Variants in DOCK4 observed in about 807,000 individuals in gnomAD.
DOCK4 encodes the protein dedicator of cytokinesis 4, also known as dedicator of cytokinesis protein 4.
Under a neutral mutation model 268.1 loss-of-function variants are expected in DOCK4, and 97 were observed. That is an observed-to-expected ratio of 0.36 (90% CI 0.31 to 0.43). The LOEUF (loss-of-function observed/expected upper bound fraction) is 0.43, where lower values mean the gene tolerates loss of function less well. Among genes scored for constraint, DOCK4 ranks in the 20% least tolerant of loss-of-function variants. The pLI is 1.00. For missense variants in DOCK4, 2,145 were observed against 2,455.7 expected (o/e 0.87, Z 2.67); for synonymous variants, 954 against 887.2 (o/e 1.08, Z -1.34).
chr7:112,138,193 T>C (rs1814544961), intron 1 of DOCK4, among the ~76,000 whole-genome samples: 1 of 152,262 alleles, frequency 6.6e-6, no homozygotes, highest in African/African-American at 2.4e-5. Flanking sequence ...ATGATTTTAC[T>C]ATCTTTTCAG....
intron 1 of DOCK4, among the ~76,000 whole-genome samples, chr7:112,119,606 C>A (rs1166303009): frequency 6.6e-6 from 1 of 152,152 alleles, no homozygotes; most frequent in African/African-American, 2.4e-5. Context: ...ACAGCCCTTT[C>A]ATAAGGAAAC....
chr7:111,936,569 G>C (rs1043992244), intron 11 of DOCK4, among the ~76,000 whole-genome samples: 2 of 152,068 alleles, frequency 1.3e-5, no homozygotes, highest in Non-Finnish European at 2.9e-5. Flanking sequence ...AACTCATAAT[G>C]ATTTGTAAGC....
At chr7:111,836,024 A>C (rs576522474) in intron 25 of DOCK4, among the ~76,000 whole-genome samples, 294 of 152,322 alleles carry the variant, frequency 1.9e-3, no homozygotes, top group Admixed American at 4.1e-3. Context: ...ATACTTTGTT[A>C]ATGAACATGG....
At chr7:111,889,126 G>A (rs1375031840) in intron 16 of DOCK4, among the ~76,000 whole-genome samples, 2 of 152,132 alleles carry the variant, frequency 1.3e-5, no homozygotes, top group Non-Finnish European at 2.9e-5. Context: ...AGATAGCTTA[G>A]TGTTTTCCCC....
chr7:111,804,195 C>A (rs1402402455), intron 30 of DOCK4, among the ~76,000 whole-genome samples: 1 of 152,138 alleles, frequency 6.6e-6, no homozygotes, highest in African/African-American at 2.4e-5. Context: ...ACCCAAATGT[C>A]CACTGAGGAA....
At chr7:112,149,397 G>A (rs1047135088) in intron 1 of DOCK4, among the ~76,000 whole-genome samples, 2 of 152,002 alleles carry the variant, frequency 1.3e-5, no homozygotes, top group African/African-American at 4.8e-5. Flanking sequence ...CTGAGCACAC[G>A]TGATAATTTT....
chr7:112,120,988 G>A (rs1417825345), intron 1 of DOCK4, among the ~76,000 whole-genome samples: 1 of 152,148 alleles, frequency 6.6e-6, no homozygotes, highest in East Asian at 1.9e-4. Flanking sequence ...TTCAGCCTAC[G>A]AGACTGGCAT....
intron 1 of DOCK4, among the ~76,000 whole-genome samples, chr7:112,087,205 A>G (rs370030800): frequency 6.6e-6 from 1 of 152,066 alleles, no homozygotes; most frequent in African/African-American, 2.4e-5. Context: ...AATTAATTCA[A>G]TCAGGACAGA....
intron 1 of DOCK4, among the ~76,000 whole-genome samples, chr7:112,012,929 C>T (rs749044121): frequency 9.2e-5 from 14 of 151,978 alleles, no homozygotes; most frequent in Non-Finnish European, 1.5e-4. Context: ...ATATCACTGC[C>T]ACCTCCACCT....
chr7:111,753,230 T>A (rs112645399), intron 42 of DOCK4, among the ~76,000 whole-genome samples: 1,912 of 152,254 alleles, frequency 0.013, 39 homozygotes, highest in African/African-American at 0.043. Flanking sequence ...ATCCCAGCAC[T>A]TTGGGAGACA....
chr7:111,892,213 G>T (rs1008414119), intron 16 of DOCK4, among the ~76,000 whole-genome samples: 2 of 152,042 alleles, frequency 1.3e-5, no homozygotes, highest in Admixed American at 1.3e-4. Flanking sequence ...TTGATTGATT[G>T]ATTTGAGACT....
At chr7:111,834,082 C>T (rs377150222) in intron 26 of DOCK4, among the ~76,000 whole-genome samples, 12 of 152,268 alleles carry the variant, frequency 7.9e-5, no homozygotes, top group African/African-American at 2.4e-4. Context: ...ATCCTTATTT[C>T]CTATTTAATG....
intron 1 of DOCK4, among the ~76,000 whole-genome samples, chr7:112,113,883 C>T (rs372700495): frequency 9.9e-5 from 15 of 151,484 alleles, no homozygotes; most frequent in African/African-American, 3.6e-4. Flanking sequence ...CATGAGCCAC[C>T]ATGCTTCGCC....
chr7:112,143,070 A>G (rs1183761271), intron 1 of DOCK4, among the ~76,000 whole-genome samples: 1 of 152,064 alleles, frequency 6.6e-6, no homozygotes, highest in Non-Finnish European at 1.5e-5. Context: ...CACTGGGGGA[A>G]GTGGGTGAGT....
intron 39 of DOCK4, among the ~76,000 whole-genome samples, chr7:111,761,063 T>C (rs558155298): frequency 1.4e-5 from 1 of 71,380 alleles, no homozygotes; most frequent in Admixed American, 1.2e-4. Flanking sequence ...GCTTAAAGTC[T>C]TTTTTTTTTT....
At chr7:111,833,691 G>GA (rs1299070981) in intron 26 of DOCK4, among the ~76,000 whole-genome samples, 1 of 152,152 alleles carries the variant, frequency 6.6e-6, no homozygotes, top group East Asian at 1.9e-4. Context: ...ACAACAGGAA[G>GA]ATTTTTCTGA....
At chr7:111,761,558 T>C (rs909625451) in intron 39 of DOCK4, among the ~76,000 whole-genome samples, 9 of 152,134 alleles carry the variant, frequency 5.9e-5, no homozygotes, top group African/African-American at 2.2e-4. Flanking sequence ...GTTTGGGGCC[T>C]AGAGGAGCTG....
intron 23 of DOCK4, among the ~76,000 whole-genome samples, chr7:111,856,204 T>C (rs1563597959): frequency 6.6e-6 from 1 of 152,192 alleles, no homozygotes; most frequent in East Asian, 1.9e-4. Flanking sequence ...TCCCCAGTAA[T>C]GTGCTTGTTA....
intron 1 of DOCK4, among the ~76,000 whole-genome samples, chr7:112,137,023 G>GA (rs1403396261): frequency 6.6e-6 from 1 of 151,910 alleles, no homozygotes; most frequent in Non-Finnish European, 1.5e-5. Context: ...TTTACCTGAG[G>GA]AAAAAATGGG....
Sources: gnomAD v4.1 joint callset for allele counts (sites outside exome capture counted in the v4.1 genomes callset) on GRCh38, gnomAD v4.1.1 for gene constraint, MANE v1.5 for transcripts, NCBI Gene and HGNC (gene_info 2026-07-23, HGNC 2026-07-21) for gene names.